ITGA5: variants seen among roughly 807,000 people sequenced by gnomAD.
ITGA5 encodes the protein integrin subunit alpha 5.
In ITGA5, 55 loss-of-function variants were observed where a neutral mutation model predicts 146.3. That is an observed-to-expected ratio of 0.38 (90% CI 0.30 to 0.47). The LOEUF is 0.47. Among genes scored for constraint, ITGA5 ranks in the 20% least tolerant of loss-of-function variants. The probability of loss-of-function intolerance (pLI) is 0.99; values close to 1 mark genes in which losing one functional copy is unlikely to be tolerated. For missense variants in ITGA5, 1,131 were observed against 1,329.0 expected, an observed-to-expected ratio of 0.85 and a Z score of 2.32; for synonymous variants, 500 against 531.8, an observed-to-expected ratio of 0.94 and a Z score of 0.82.
rs1565646626 is a variant in ITGA5 at position 54,419,035 on chromosome 12, G to T, written c.164C>A (p.Pro55His). Reference protein sequence around the residue: ...DAEAPAVLSGPPGSFFGFSVE... With the variant: ...DAEAPAVLSGHPGSFFGFSVE... ...TGAGAATCCGAAGAAGGAGCCCGGG[G>T]GCCCCGAGAGTACTGCTGGGGCCTC... Residue 55 changes from proline to histidine, a missense_variant, in exon 1 of 30, where the codon CCC becomes CAC. Transcript: ENST00000293379. The T allele has an allele frequency of 1.9e-6, 3 of 1,598,820 alleles. No individual in the cohort carries two copies. In the Admixed American group the frequency reaches 5.2e-5, roughly 28 times the overall value.
chr12:54,406,910 T>C (rs1003777229), intron 9 of ITGA5, among the ~76,000 whole-genome samples: 7 of 152,222 alleles, frequency 4.6e-5, no homozygotes, highest in Admixed American at 4.6e-4. Flanking sequence ...TTTGCTGAAG[T>C]TTACCAAAAT....
intron 14 of ITGA5, 79 bp downstream of exon 14, chr12:54,404,351 T>C (rs1056043404): frequency 2.5e-6 from 4 of 1,582,498 alleles, no homozygotes; most frequent in African/African-American, 2.7e-5. Flanking sequence ...GCATTGATTT[T>C]CCCAACCTCA....
chr12:54,408,041 AG>A (rs1955888793), intron 7 of ITGA5, 68 bp downstream of exon 7: 5 of 1,596,812 alleles, frequency 3.1e-6, no homozygotes, highest in Non-Finnish European at 4.3e-6. Context: ...AGGGGAGGCG[AG>A]GGGGTGAGTG....
intron 9 of ITGA5, 96 bp downstream of exon 9, chr12:54,407,553 C>T: frequency 9.8e-7 from 1 of 1,019,004 alleles, no homozygotes; most frequent in Non-Finnish European, 1.6e-6. Flanking sequence ...AGCCCATGTT[C>T]TGATCCACCT....
At chr12:54,417,474 CA>C (rs1484457055) in intron 1 of ITGA5, among the ~76,000 whole-genome samples, 1 of 61,818 alleles carries the variant, frequency 1.6e-5, no homozygotes, top group African/African-American at 6.7e-5. Context: ...GGCAAAAGGC[CA>C]GGGGGGTGGG....
chr12:54,405,428 C>G, intron 11 of ITGA5, 54 bp from the exon 12 acceptor site: 1 of 1,393,644 alleles, frequency 7.2e-7, no homozygotes, highest in Non-Finnish European at 9.8e-7. Context: ...CCACCCCACC[C>G]CAATCCTAGT....
At chr12:54,399,107 A>G (rs1955752602) in intron 27 of ITGA5, among the ~76,000 whole-genome samples, 1 of 152,116 alleles carries the variant, frequency 6.6e-6, no homozygotes, top group Non-Finnish European at 1.5e-5. Flanking sequence ...TTGGCCTCCC[A>G]AAGTGCTGGG....
At chr12:54,407,144 T>A (rs1330680924) in intron 9 of ITGA5, among the ~76,000 whole-genome samples, 1 of 152,244 alleles carries the variant, frequency 6.6e-6, no homozygotes, top group Non-Finnish European at 1.5e-5. Flanking sequence ...CCACTTTAGA[T>A]CATAATTGTA....
In ITGA5 at chr12:54,402,057, T is replaced by C; in HGVS notation, c.2170A>G (p.Asn724Asp). Residue 724 changes from asparagine (N) to aspartate (D), a missense_variant, in exon 21 of 30, where the codon AAC becomes GAC. By Grantham distance (23) the Asn-to-Asp change is conservative (BLOSUM62 1). This residue lies in a region of ITGA5 where 889 missense variants were observed against 1,021.5 expected (regional missense o/e 0.87). Coordinates refer to ENST00000293379, the MANE Select transcript of ITGA5 (RefSeq NM_002205.5). The part of the protein sequence containing the change: ...SSLSCDYFAV[N>D]QSRLLVCDLG... ...TCACACACCAGCAGGCGGCTCTGGT[T>C]CACGGCAAAGTAGTCACAGCTCAGG... The C allele has an allele frequency of 6.2e-7, 1 of 1,614,180 alleles. No individual in the cohort carries two copies. Among genetic ancestry groups the C allele is most frequent in the African/African-American group, 1.3e-5 (1 of 75,028 alleles).
At chr12:54,418,853 A>C in intron 1 of ITGA5, 128 bp downstream of exon 1, 1 of 1,128,704 alleles carries the variant, frequency 8.9e-7, no homozygotes, top group Non-Finnish European at 1.2e-6. Context: ...AGGGCCCCCA[A>C]CTGCAGCTCT....
intron 27 of ITGA5, 100 bp downstream of exon 27, chr12:54,399,545 A>G (rs753003374): frequency 1.1e-4 from 90 of 838,620 alleles, no homozygotes; most frequent in Non-Finnish European, 1.7e-4. Flanking sequence ...GCTGGGTCCC[A>G]TTCACCAAAG....
chr12:54,417,088 C>T (rs1956016055), intron 1 of ITGA5, among the ~76,000 whole-genome samples: 1 of 151,872 alleles, frequency 6.6e-6, no homozygotes, highest in African/African-American at 2.4e-5. Flanking sequence ...GCAAGCTGGA[C>T]ACCTGGGTTC....
In ITGA5 at chr12:54,419,229, C is replaced by G. The variant is rs998526859; in HGVS notation, c.-31G>C. 14 of 1,546,988 alleles carry G rather than the reference C, an allele frequency of 9.0e-6. No individual in the cohort carries two copies. Among genetic ancestry groups the G allele is most frequent in the Non-Finnish European group, 1.2e-5 (14 of 1,146,558 alleles). On this transcript the variant is annotated 5_prime_UTR_variant, in exon 1 of 30. Transcript: ENST00000293379. ...CCGCTCTTCCCTGTCCTGGGGCCAC[C>G]GACCCGGAGCCGCTTCCTAAACCTC...
rs1349508977 is a variant in ITGA5 at position 54,404,860 on chromosome 12, G to T, written c.1260C>A (p.Thr420=). ...GAAATACAAACACTACTCCCTGCTG[G>T]GTCTCCCCACCAAAGGGAGCCCCGA... ...VAIGAPFGGE[T]QQGVVFVFPG... is the part of the protein sequence containing the mutation. The change falls in exon 13 of 30, where the codon ACC becomes ACA. Residue 420 remains threonine, a synonymous_variant. Transcript: ENST00000293379. The T allele has an allele frequency of 3.1e-6, 5 of 1,600,682 alleles. No individual in the cohort carries two copies. The Admixed American group carries it at 8.8e-5, about 28-fold the overall frequency.
At position 54,403,495 on chromosome 12, in the gene ITGA5, C is replaced by G. The variant is rs1291368452; in HGVS notation, c.1776+130G>C. The G allele has an allele frequency of 1.5e-6, 2 of 1,293,566 alleles. No homozygotes were observed. The highest frequency in any genetic ancestry group is 2.1e-6 in the Non-Finnish European group (2 of 945,686). The allele number at this position is 1,293,566 out of a possible 1,614,324, so 80.1% of individuals were successfully genotyped here. A position where few individuals can be genotyped will look rare whatever the true frequency, so the allele number is the denominator to read the frequency against. On this transcript the variant is annotated intron_variant, in intron 17 of 29. Coordinates refer to ENST00000293379, the MANE Select transcript of ITGA5 (RefSeq NM_002205.5). This position sits in a 1 kb window ranked among gnomAD's most constrained non-coding sequence, Gnocchi z 4.9. ...CCAGCTCCTCTGACAGAAGGTCTCC[C>G]TTTCTCAGCCCCTACAAGAGTCCCA...
intron 9 of ITGA5, among the ~76,000 whole-genome samples, chr12:54,406,670 T>C (rs1201960370): frequency 1.3e-5 from 2 of 152,228 alleles, no homozygotes; most frequent in Non-Finnish European, 2.9e-5. Context: ...AGCTCATGAG[T>C]CTGCTAAGTT....
intron 1 of ITGA5, 111 bp downstream of exon 1, chr12:54,418,870 T>C: frequency 3.1e-6 from 4 of 1,310,728 alleles, no homozygotes; most frequent in Non-Finnish European, 4.2e-6. Flanking sequence ...CTCTATTCCT[T>C]ACAAACTCCA....
chr12:54,403,859 G>A lies in ITGA5; in HGVS notation c.1621+52C>T. ...GAGAAGAAATGTCCCCAGGTCCCCA[G>A]TCCCTTCATTCTCTGTCCTAGGGCC... is the stretch of plus-strand genomic sequence containing the variant. On this transcript the variant is annotated intron_variant, in intron 16 of 29. Coordinates refer to ENST00000293379, the MANE Select transcript of ITGA5 (RefSeq NM_002205.5). This position sits in a 1 kb window ranked among gnomAD's most constrained non-coding sequence, Gnocchi z 4.9. 1 of 1,611,232 alleles carries A rather than the reference G, an allele frequency of 6.2e-7. No individual in the cohort carries two copies. The highest frequency in any genetic ancestry group is 8.5e-7 in the Non-Finnish European group (1 of 1,177,570).
At position 54,403,238 on chromosome 12, in the gene ITGA5, G is replaced by C. The variant is rs138831238; in HGVS notation, c.1863C>G (p.His621Gln). Residue 621 changes from histidine (H) to glutamine (Q), a missense_variant, in exon 18 of 30, where the codon CAC becomes CAG. His to Gln is a conservative substitution (Grantham distance 24). This residue lies in a region of ITGA5 where 889 missense variants were observed against 1,021.5 expected (regional missense o/e 0.87). Coordinates refer to ENST00000293379, the MANE Select transcript of ITGA5 (RefSeq NM_002205.5). This position sits in a 1 kb window ranked among gnomAD's most constrained non-coding sequence, Gnocchi z 4.9. Reference protein sequence around the residue: ...SLDPQAPVDSHGLRPALHYQS... With the variant: ...SLDPQAPVDSQGLRPALHYQS... The stretch of plus-strand genomic sequence containing the variant: ...GATAATGTAGGGCTGGCCTGAGGCC[G>C]TGGCTGTCCACTGGGGCTTGGGGGT... The C allele has an allele frequency of 6.4e-7, 1 of 1,569,172 alleles. No individual in the cohort carries two copies. Among genetic ancestry groups the C allele is most frequent in the Non-Finnish European group, 8.6e-7 (1 of 1,160,186 alleles).
Sources: allele counts gnomAD v4.1 joint callset (sites outside exome capture counted in the v4.1 genomes callset), GRCh38; gene constraint gnomAD v4.1.1; regional missense constraint gnomAD v4.1.1; non-coding constraint Gnocchi (gnomAD v3.1); transcripts MANE v1.5; gene names NCBI Gene and HGNC (gene_info 2026-07-23, HGNC 2026-07-21).